The following MYB variants were observed in gnomAD, a reference collection of about 807,000 sequenced individuals.
The protein encoded by MYB is MYB proto-oncogene, transcription factor.
Under a neutral mutation model 92.9 loss-of-function variants are expected in MYB, and 28 were observed. That is an observed-to-expected ratio of 0.30 (90% confidence interval 0.22 to 0.41). The LOEUF (loss-of-function observed/expected upper bound fraction) is 0.41. Among genes scored for constraint, MYB ranks in the 10% least tolerant of loss-of-function variants. MYB has a pLI of 1.00. For missense variants in MYB, 679 were observed against 929.3 expected (o/e 0.73, Z 3.50); for synonymous variants, 295 against 329.1 (o/e 0.90, Z 1.12).
chr6:135,209,540 C>G (rs953584535), intron 15 of MYB, among the ~76,000 whole-genome samples: 2 of 152,190 alleles, frequency 1.3e-5, no homozygotes, highest in African/African-American at 4.8e-5. Flanking sequence ...AGCCAAGACT[C>G]AGTGAATTTT....
At chr6:135,188,770 G>A (rs1776273924) in intron 3 of MYB, among the ~76,000 whole-genome samples, 1 of 151,952 alleles carries the variant, frequency 6.6e-6, no homozygotes, top group South Asian at 2.1e-4. Flanking sequence ...TCAGCCTCCC[G>A]AAGTGCTAGG....
At chr6:135,194,012 G>A in intron 7 of MYB, 94 bp downstream of exon 7, 1 of 1,012,740 alleles carries the variant, frequency 9.9e-7, no homozygotes, top group South Asian at 1.3e-5. Context: ...AGCAACTAAA[G>A]TAAAAAGGAA....
chr6:135,186,146 G>A (rs535146239), intron 2 of MYB, 126 bp downstream of exon 2: 38 of 716,782 alleles, frequency 5.3e-5, no homozygotes, highest in Non-Finnish European at 7.5e-5. Flanking sequence ...ATCCTAGCCC[G>A]CATGTGCAGC....
rs1318955500 is a variant in MYB at position 135,189,838 on chromosome 6, C to T, written c.261C>T (p.Asn87=). 2 of 1,614,132 alleles carry T rather than the reference C, an allele frequency of 1.2e-6. No homozygotes were observed. Among genetic ancestry groups the T allele is most frequent in the African/African-American group, 1.3e-5 (1 of 75,034 alleles). The stretch of plus-strand genomic sequence containing the variant: ...AGCACCGATGGCAGAAAGTACTAAA[C>T]CCTGAGCTCATCAAGGGTCCTTGGA... The part of the protein sequence containing the change: ...QCQHRWQKVL[N]PELIKGPWTK... Residue 87 remains asparagine, a synonymous_variant, in exon 4 of 16, where the codon AAC becomes AAT. Coordinates refer to ENST00000341911, the MANE Select transcript of MYB (RefSeq NM_001130173.2).
intron 15 of MYB, among the ~76,000 whole-genome samples, chr6:135,215,827 C>G (rs915489999): frequency 6.6e-6 from 1 of 152,106 alleles, no homozygotes; most frequent in African/African-American, 2.4e-5. Context: ...AGTGTCCCAT[C>G]CCCTCTTCCC....
chr6:135,212,820 A>G (rs1002092755), intron 15 of MYB, among the ~76,000 whole-genome samples: 2 of 152,222 alleles, frequency 1.3e-5, no homozygotes, highest in African/African-American at 4.8e-5. Flanking sequence ...TTGCAAAGAT[A>G]TGTATGACAG....
At chr6:135,194,808 G>GT (rs1777080195) in intron 8 of MYB, 1 of 927,950 alleles carries the variant, frequency 1.1e-6, no homozygotes, top group Non-Finnish European at 1.5e-6. Flanking sequence ...TACCATTTTG[G>GT]TTTTTTTCTA....
intron 1 of MYB, among the ~76,000 whole-genome samples, chr6:135,184,668 A>G (rs545592912): frequency 6.6e-6 from 1 of 152,276 alleles, no homozygotes; most frequent in South Asian, 2.1e-4. Context: ...TAATATGCAT[A>G]CCAGTGAGTT....
chr6:135,201,083 A>T (rs557634284), intron 13 of MYB, among the ~76,000 whole-genome samples: 1 of 152,338 alleles, frequency 6.6e-6, no homozygotes, highest in African/African-American at 2.4e-5. Flanking sequence ...TCTCAAAAAA[A>T]ATAAAAATTA....
chr6:135,197,985 A>G (rs759998022), intron 10 of MYB, among the ~76,000 whole-genome samples: 4 of 152,228 alleles, frequency 2.6e-5, no homozygotes, highest in African/African-American at 4.8e-5. Flanking sequence ...CACAATTCTT[A>G]TCAGAGATTT....
chr6:135,192,949 A>G (rs559962913), intron 6 of MYB, among the ~76,000 whole-genome samples: 4 of 152,366 alleles, frequency 2.6e-5, no homozygotes, highest in East Asian at 1.9e-4. Flanking sequence ...TTCCAAAACG[A>G]AAAGGGAAGG....
intron 3 of MYB, among the ~76,000 whole-genome samples, chr6:135,188,492 C>CTTT (rs528623055): frequency 1.5e-5 from 2 of 133,888 alleles, no homozygotes; most frequent in Admixed American, 1.5e-4. Flanking sequence ...ATTTTTCTTT[C>CTTT]TTTTTTTTTT....
At position 135,182,473 on chromosome 6, in the gene MYB, C is replaced by T. The variant is rs1027231017; in HGVS notation, c.23+937C>T. Among the ~76,000 whole-genome samples, 3 of 152,214 alleles carry T rather than the reference C, an allele frequency of 2.0e-5. No individual in the cohort carries two copies. ...CTCGGCTCAAGGGGACAGAGGCCGG[C>T]AGCACCCAAGGCCGCTGCCGCGCAA... On this transcript the variant is annotated intron_variant, in intron 1 of 15. Transcript: ENST00000341911. This position sits in a 1 kb window ranked among gnomAD's most constrained non-coding sequence, Gnocchi z 5.6.
rs1303962941 is a variant in MYB, at chr6:135,181,578, G to T, written c.23+42G>T. 26 of 1,131,424 alleles carry T rather than the reference G, an allele frequency of 2.3e-5. No individual in the cohort carries two copies. Among genetic ancestry groups the T allele is most frequent in the Admixed American group, 4.8e-5 (1 of 21,006 alleles). 70.1% of individuals were successfully genotyped at this position (1,131,424 alleles called of 1,614,324 possible). A position where few individuals can be genotyped will look rare whatever the true frequency, so the allele number is the denominator to read the frequency against. ...CGGGCGGCCGAGGGCGGGGGCGCGC[G>T]GGGGCGCGCGGGGCGCCAGGCTCCC... On this transcript the variant is annotated intron_variant, in intron 1 of 15. Coordinates refer to ENST00000341911, the MANE Select transcript of MYB (RefSeq NM_001130173.2). This position sits in a 1 kb window ranked among gnomAD's most constrained non-coding sequence, Gnocchi z 5.3.
At chr6:135,205,435 T>C (rs1778732999) in intron 15 of MYB, among the ~76,000 whole-genome samples, 1 of 152,184 alleles carries the variant, frequency 6.6e-6, no homozygotes, top group Non-Finnish European at 1.5e-5. Flanking sequence ...ATCAATATAC[T>C]TGGGGACAAT....
At chr6:135,209,436 G>A (rs1489778337) in intron 15 of MYB, among the ~76,000 whole-genome samples, 1 of 152,150 alleles carries the variant, frequency 6.6e-6, no homozygotes, top group African/African-American at 2.4e-5. Flanking sequence ...GTTTCACCAT[G>A]TTGGCCAGGC....
At chr6:135,207,719 G>A (rs1412333314) in intron 15 of MYB, among the ~76,000 whole-genome samples, 2 of 149,818 alleles carry the variant, frequency 1.3e-5, no homozygotes, top group African/African-American at 4.9e-5. Context: ...TTATCATTTT[G>A]CCATATTTAC....
At chr6:135,186,126 T>A in intron 2 of MYB, 106 bp downstream of exon 2, 1 of 879,812 alleles carries the variant, frequency 1.1e-6, no homozygotes, top group Non-Finnish European at 1.8e-6. Context: ...AGCAGGCTCC[T>A]TGAGATCTTA....
intron 15 of MYB, among the ~76,000 whole-genome samples, chr6:135,214,037 C>T (rs995431535): frequency 5.9e-5 from 9 of 152,238 alleles, no homozygotes; most frequent in East Asian, 1.9e-4. Context: ...CTATGAGAGG[C>T]CAAGGCAGGA....
Sources: gnomAD v4.1 joint callset for allele counts (sites outside exome capture counted in the v4.1 genomes callset) on GRCh38, gnomAD v4.1.1 for gene constraint, Gnocchi (gnomAD v3.1) non-coding constraint, MANE v1.5 for transcripts, NCBI Gene and HGNC (gene_info 2026-07-23, HGNC 2026-07-21) for gene names.